The following BNC2 variants were observed in gnomAD, a reference collection of about 807,000 sequenced individuals.
The protein encoded by BNC2 is basonuclin zinc finger protein 2.
Under a neutral mutation model 76.3 loss-of-function variants are expected in BNC2, and 20 were observed. The ratio of observed to expected loss-of-function variants is 0.26; its 90% CI spans 0.18 to 0.38. The LOEUF is 0.38. BNC2 is among the 10% of genes least tolerant of loss of function. BNC2 has a pLI of 1.00. For synonymous variants in BNC2, 582 were observed against 514.8 expected, an observed-to-expected ratio of 1.13 and a Z score of -1.77; for missense variants, 1,382 against 1,399.8, an observed-to-expected ratio of 0.99 and a Z score of 0.20.
intron 3 of BNC2, among the ~76,000 whole-genome samples, chr9:16,674,772 A>T (rs1176636499): frequency 6.6e-6 from 1 of 152,210 alleles, no homozygotes; most frequent in Admixed American, 6.5e-5. Flanking sequence ...TTTATATAAC[A>T]TTGATTTCAA....
At chr9:16,535,518 T>G (rs1024154049) in intron 5 of BNC2, among the ~76,000 whole-genome samples, 1 of 152,098 alleles carries the variant, frequency 6.6e-6, no homozygotes, top group Non-Finnish European at 1.5e-5. Context: ...AGCAAGTAGT[T>G]GTATCTAACC....
intron 3 of BNC2, among the ~76,000 whole-genome samples, chr9:16,641,454 G>A (rs992375182): frequency 2.0e-5 from 3 of 152,112 alleles, no homozygotes; most frequent in South Asian, 4.1e-4. Context: ...ATTTTAAAGT[G>A]AGCTATTATT....
intron 5 of BNC2, among the ~76,000 whole-genome samples, chr9:16,477,998 C>T (rs1285316505): frequency 6.6e-6 from 1 of 152,136 alleles, no homozygotes; most frequent in Non-Finnish European, 1.5e-5. Flanking sequence ...TGCATCTTTC[C>T]ATATCCTGCA....
intron 1 of BNC2, among the ~76,000 whole-genome samples, chr9:16,779,173 G>C (rs868034330): frequency 6.1e-4 from 92 of 149,998 alleles, no homozygotes; most frequent in African/African-American, 2.1e-3. Context: ...GCATGGTGGC[G>C]TGCACCTGTA....
chr9:16,726,479 T>G (rs530667313), intron 3 of BNC2, among the ~76,000 whole-genome samples: 1 of 110,838 alleles, frequency 9.0e-6, no homozygotes, highest in East Asian at 3.4e-4. Context: ...TGGCAAATTG[T>G]TTTTTTTTTA....
chr9:16,436,389 T>C lies in BNC2; in HGVS notation c.1805A>G (p.Glu602Gly), dbSNP rs1194867325. 23 of 1,614,036 alleles carry C rather than the reference T, an allele frequency of 1.4e-5. No individual in the cohort carries two copies. Among genetic ancestry groups the C allele is most frequent in the Non-Finnish European group, 1.9e-5 (23 of 1,180,014 alleles). ...CTCAGAGGGTGGCGGGGGGTGCTGC[T>C]CTATGGTACCACTGGTTGGAATGAT... ...SPIIPTSGTI[E>G]QHPPPPSEPV... Residue 602 changes from glutamate to glycine, a missense_variant, in exon 6 of 7, where the codon GAG becomes GGG. By Grantham distance (98) the Glu-to-Gly change is moderately conservative. Around this residue, in one of 3 missense-constraint regions of BNC2, gnomAD observed 798 missense variants for 775.5 expected, o/e 1.03. Transcript: ENST00000380672.
intron 3 of BNC2, among the ~76,000 whole-genome samples, chr9:16,674,740 C>T (rs1822585821): frequency 6.6e-6 from 1 of 152,082 alleles, no homozygotes; most frequent in Admixed American, 6.5e-5. Flanking sequence ...AGTACCATAC[C>T]CAAGAAGGCA....
intron 1 of BNC2, among the ~76,000 whole-genome samples, chr9:16,805,470 G>C (rs868755572): frequency 8.5e-5 from 13 of 152,048 alleles, no homozygotes; most frequent in African/African-American, 3.1e-4. Context: ...GGGATTACAG[G>C]CGCGTGCCAC....
intron 1 of BNC2, among the ~76,000 whole-genome samples, chr9:16,746,016 G>A (rs1035276941): frequency 6.6e-6 from 1 of 152,156 alleles, no homozygotes. Flanking sequence ...AGAATTGTAA[G>A]GTCATACCAA....
intron 5 of BNC2, among the ~76,000 whole-genome samples, chr9:16,538,428 G>C (rs186722969): frequency 3.4e-4 from 52 of 152,184 alleles, no homozygotes; most frequent in Admixed American, 5.2e-4. Flanking sequence ...TCCCCACGTG[G>C]CACTGGCAAC....
chr9:16,709,921 A>G (rs1341230714), intron 3 of BNC2, among the ~76,000 whole-genome samples: 1 of 152,186 alleles, frequency 6.6e-6, no homozygotes, highest in African/African-American at 2.4e-5. Flanking sequence ...TTATAGGTAT[A>G]AAGGAAAAAC....
chr9:16,864,219 G>A (rs1460381235), intron 1 of BNC2, among the ~76,000 whole-genome samples: 2 of 152,086 alleles, frequency 1.3e-5, no homozygotes, highest in East Asian at 1.9e-4. Context: ...AAATTAATAG[G>A]CTACATTATT....
In BNC2 at chr9:16,707,158, C is replaced by T. The variant is rs187715534; in HGVS notation, c.330+20639G>A. 5.0e-3 allele frequency among the ~76,000 whole-genome samples: 761 copies of T among 151,792 alleles called. 12 individuals are homozygous for T. Among genetic ancestry groups the T allele is most frequent in the African/African-American group, 0.017 (716 of 41,434 alleles). ...CGGAGCTTGCAGTGAGCTGAGATCGCGCCACTGCACTCCAGCCTGGGCAAC... is the reference window on the plus strand; with the variant it reads ...CGGAGCTTGCAGTGAGCTGAGATCGTGCCACTGCACTCCAGCCTGGGCAAC... On this transcript the variant is annotated intron_variant, in intron 3 of 6. Transcript: ENST00000380672.
intron 3 of BNC2, among the ~76,000 whole-genome samples, chr9:16,609,685 A>G (rs1820488695): frequency 6.6e-6 from 1 of 152,196 alleles, no homozygotes; most frequent in Admixed American, 6.5e-5. Flanking sequence ...TCTATGGGAC[A>G]TATTTCTATT....
At position 16,550,955 on chromosome 9, in the gene BNC2, C is replaced by A. The variant is rs551629008; in HGVS notation, c.669+1575G>T. Among the ~76,000 whole-genome samples, 10 of 152,238 alleles carry A rather than the reference C, an allele frequency of 6.6e-5. No individual in the cohort carries two copies. The East Asian group carries it at 1.7e-3, about 27-fold the overall frequency. On this transcript the variant is annotated intron_variant, in intron 5 of 6. Transcript: ENST00000380672. ...TAGAAAGACGCAGCACTGTATGCAT[C>A]TTGGGGCCAGTATAAGCAGGGATTG...
chr9:16,850,794 C>T (rs1417037029), intron 1 of BNC2, among the ~76,000 whole-genome samples: 1 of 128,866 alleles, frequency 7.8e-6, no homozygotes, highest in Admixed American at 8.3e-5. Flanking sequence ...GGAGACTCTG[C>T]TTCTAAAAAG....
chr9:16,491,757 C>G (rs1355778835), intron 5 of BNC2, among the ~76,000 whole-genome samples: 1 of 152,170 alleles, frequency 6.6e-6, no homozygotes, highest in African/African-American at 2.4e-5. Context: ...GGTTATTTCA[C>G]TGCAGTTTAG....
intron 1 of BNC2, among the ~76,000 whole-genome samples, chr9:16,792,048 G>A (rs541298975): frequency 6.7e-4 from 100 of 148,226 alleles, no homozygotes; most frequent in African/African-American, 2.5e-3. Context: ...GTTGCAAGGA[G>A]CCAAGATCAT....
chr9:16,427,449 T>C (rs1820824300), intron 6 of BNC2, among the ~76,000 whole-genome samples: 1 of 152,236 alleles, frequency 6.6e-6, no homozygotes, highest in African/African-American at 2.4e-5. Context: ...ATTTACCTCT[T>C]TATTGAAGGC....
Sources: allele counts gnomAD v4.1 joint callset (sites outside exome capture counted in the v4.1 genomes callset), GRCh38; gene constraint gnomAD v4.1.1; regional missense constraint gnomAD v4.1.1; transcripts MANE v1.5; gene names NCBI Gene and HGNC (gene_info 2026-07-23, HGNC 2026-07-21).